The following LCK variants were observed in gnomAD, a reference collection of about 807,000 sequenced individuals.
LCK encodes tyrosine-protein kinase Lck.
A neutral mutation model predicts 64.6 loss-of-function variants in LCK; 14 were observed. The ratio of observed to expected loss-of-function variants is 0.22; its 90% confidence interval spans 0.14 to 0.34. The LOEUF (loss-of-function observed/expected upper bound fraction) is 0.34, where lower values mean the gene tolerates loss of function less well. Ranked by LOEUF, LCK falls within the 10% of genes least tolerant of loss-of-function variation. The pLI, the probability that LCK is intolerant of heterozygous loss-of-function variation, is 1.00. For missense variants in LCK, 434 were observed against 668.1 expected (o/e 0.65, Z 3.86); for synonymous variants, 277 against 263.6 (o/e 1.05, Z -0.49).
At position 32,285,916 on chromosome 1, in the gene LCK, T is replaced by C. The variant is rs1640602908; in HGVS notation, c.*200T>C. ...ACTCTGCACATGTCTTGTACATGTG[T>C]AGCCTGTGCATGTATGTCTTGGACA... On this transcript the variant is annotated 3_prime_UTR_variant, in exon 13 of 13. Coordinates refer to ENST00000336890, the MANE Select transcript of LCK (RefSeq NM_005356.5). 1.6e-6 allele frequency: 1 copy of C among 611,614 alleles called. No individual in the cohort carries two copies. Among genetic ancestry groups the C allele is most frequent in the Non-Finnish European group, 2.9e-6 (1 of 344,886 alleles). The allele number at this position is 611,614 out of a possible 1,614,324, so 37.9% of individuals were successfully genotyped here. A position where few individuals can be genotyped will look rare whatever the true frequency, so the allele number is the denominator to read the frequency against.
Position 32,275,008 on chromosome 1 carries a change from C to T in LCK, c.203C>T (p.Ala68Val), listed in dbSNP as rs1640212745. 1 of 1,614,216 alleles carries T rather than the reference C, an allele frequency of 6.2e-7. No individual in the cohort carries two copies. Among genetic ancestry groups the T allele is most frequent in the Non-Finnish European group, 8.5e-7 (1 of 1,180,048 alleles). Residue 68 changes from alanine to valine, a missense_variant, in exon 4 of 13, where the codon GCT becomes GTT. Physicochemically the swap from Ala to Val is moderately conservative, Grantham distance 64. Coordinates refer to ENST00000336890, the MANE Select transcript of LCK (RefSeq NM_005356.5). This position sits in a 1 kb window ranked among gnomAD's most constrained non-coding sequence, Gnocchi z 6.9. ...ASPLQDNLVI[A>V]LHSYEPSHDG... ...GTCTTTACAGACAACCTGGTTATCG[C>T]TCTGCACAGCTATGAGCCCTCTCAC...
chr1:32,285,809 C>A lies in LCK; in HGVS notation c.*93C>A. On this transcript the variant is annotated 3_prime_UTR_variant, in exon 13 of 13. Transcript: ENST00000336890. ...GTGCCATAGTCACATGGCCTATGCA[C>A]ATATGGACTCTGCACATGAATCCCA... 7.6e-7 allele frequency: 1 copy of A among 1,308,430 alleles called. No individual in the cohort carries two copies. The highest frequency in any genetic ancestry group is 1.1e-6 in the Non-Finnish European group (1 of 937,118). 81.1% of individuals were successfully genotyped at this position (1,308,430 alleles called of 1,614,324 possible). A position where few individuals can be genotyped will look rare whatever the true frequency, so the allele number is the denominator to read the frequency against.
intron 1 of LCK, among the ~76,000 whole-genome samples, chr1:32,260,979 C>T (rs1212074612): frequency 1.3e-5 from 2 of 152,114 alleles, no homozygotes; most frequent in Non-Finnish European, 2.9e-5. Context: ...GAAGCTGGCA[C>T]ACATTTTGGA....
chr1:32,259,631 A>T (rs1447913355), intron 1 of LCK, among the ~76,000 whole-genome samples: 1 of 147,302 alleles, frequency 6.8e-6, no homozygotes, highest in African/African-American at 2.5e-5. Flanking sequence ...AAAAATAAAA[A>T]TAATAATAAT....
At chr1:32,279,366 A>G (rs906010806) in intron 9 of LCK, among the ~76,000 whole-genome samples, 10 of 152,080 alleles carry the variant, frequency 6.6e-5, no homozygotes, top group African/African-American at 2.4e-4. Context: ...AGAGTGGGGG[A>G]AAGAGAAGAA....
intron 1 of LCK, among the ~76,000 whole-genome samples, chr1:32,262,372 G>C (rs571624133): frequency 6.8e-6 from 1 of 147,962 alleles, no homozygotes; most frequent in Admixed American, 6.7e-5. Flanking sequence ...GTGGTGGTGC[G>C]TGCCTATAAT....
intron 12 of LCK, 31 bp downstream of exon 12, chr1:32,280,241 G>C: frequency 6.2e-7 from 1 of 1,612,670 alleles, no homozygotes; most frequent in Non-Finnish European, 8.5e-7. Context: ...CTGAAAGGGT[G>C]ATGGGAAGGG....
At chr1:32,278,357 T>C (rs949680579) in intron 9 of LCK, among the ~76,000 whole-genome samples, 2 of 152,126 alleles carry the variant, frequency 1.3e-5, no homozygotes, top group African/African-American at 4.8e-5. Flanking sequence ...TATCTTTTTT[T>C]TTTTTGAGTC....
rs1640245888 is a variant in LCK at position 32,275,763 on chromosome 1, G to A, written c.481+91G>A. Reference sequence around the variant, plus strand: ...GGTGAGCCCGAGGTGGAGACACGGGGTGAGTCGGAGGGGGACGCGGGATGA... The same window carrying A: ...GGTGAGCCCGAGGTGGAGACACGGGATGAGTCGGAGGGGGACGCGGGATGA... On this transcript the variant is annotated intron_variant, in intron 6 of 12. Coordinates refer to ENST00000336890, the MANE Select transcript of LCK (RefSeq NM_005356.5). This position sits in a 1 kb window ranked among gnomAD's most constrained non-coding sequence, Gnocchi z 6.9. The A allele has an allele frequency of 7.1e-7, 1 of 1,403,380 alleles. No homozygotes were observed. The highest frequency in any genetic ancestry group is 1.4e-5 in the African/African-American group (1 of 70,398). 86.9% of individuals were successfully genotyped at this position (1,403,380 alleles called of 1,614,324 possible).
In LCK at chr1:32,281,276, A is replaced by G. The variant is rs369782817; in HGVS notation, c.1327+1066A>G. ...AAGAGAGACTCCATCTCTACAAAAA[A>G]AAAAAAACAAACAAACAAAAAAAAC... On this transcript the variant is annotated intron_variant, in intron 12 of 12. Transcript: ENST00000336890. Among the ~76,000 whole-genome samples, 13 of 151,266 alleles carry G rather than the reference A, an allele frequency of 8.6e-5. No individual in the cohort carries two copies. In the South Asian group the frequency reaches 2.5e-3, roughly 29 times the overall value.
In LCK at chr1:32,279,672, G is replaced by A. The variant is rs1640389804; in HGVS notation, c.966G>A (p.Gly322=). The change falls in exon 10 of 13, where the codon GGG becomes GGA. Residue 322 remains glycine (G), a splice_region_variant and synonymous_variant. Transcript: ENST00000336890. ...AGCAACTCTTGCTTCTGCCCACAGG[G>A]AGTCTAGTGGATTTTCTCAAGACCC... ...IYIITEYMEN[G]SLVDFLKTPS... 1.9e-6 allele frequency: 3 copies of A among 1,613,960 alleles called. No homozygotes were observed. The highest frequency in any genetic ancestry group is 2.5e-6 in the Non-Finnish European group (3 of 1,179,884).
In LCK at chr1:32,275,378, C is replaced by T. The variant is rs1328480693; in HGVS notation, c.336C>T (p.Pro112=). ...CCACGGGCCAGGAAGGCTTCATCCC[C>T]TTCAATTTTGTGGCCAAAGCGAACA... ...SLTTGQEGFI[P]FNFVAKANSL... Residue 112 remains proline (P), a synonymous_variant, in exon 5 of 13, where the codon CCC becomes CCT. Transcript: ENST00000336890. The surrounding 1 kb of genome is among the most constrained non-coding windows in gnomAD (Gnocchi z 6.9). The T allele has an allele frequency of 1.2e-6, 2 of 1,614,148 alleles. No homozygotes were observed. Among genetic ancestry groups the T allele is most frequent in the Non-Finnish European group, 1.7e-6 (2 of 1,180,026 alleles).
intron 1 of LCK, among the ~76,000 whole-genome samples, chr1:32,259,632 T>A (rs59032326): frequency 0.12 from 18,139 of 148,094 alleles, 1,878 homozygotes; most frequent in African/African-American, 0.26. Context: ...AAAATAAAAA[T>A]AATAATAATA....
intron 1 of LCK, among the ~76,000 whole-genome samples, chr1:32,256,791 TAC>T (rs1639643186): frequency 6.6e-6 from 1 of 152,194 alleles, no homozygotes; most frequent in South Asian, 2.1e-4. Flanking sequence ...ATATGACCTG[TAC>T]ACCACTCAGG....
chr1:32,279,965 T>C lies in LCK; in HGVS notation c.1166T>C (p.Ile389Thr). ...GCAGACTTTGGCCTAGCACGCCTCATTGAGGACAACGAGTACACAGCCAGG... is the reference window on the plus strand; with the variant it reads ...GCAGACTTTGGCCTAGCACGCCTCACTGAGGACAACGAGTACACAGCCAGG... ...KIADFGLARLIEDNEYTAREG... is the reference protein window; with the variant it reads ...KIADFGLARLTEDNEYTAREG... The change falls in exon 11 of 13, where the codon ATT becomes ACT. Residue 389 changes from isoleucine to threonine, a missense_variant. Physicochemically the swap from Ile to Thr is moderately conservative, Grantham distance 89. Transcript: ENST00000336890. 1 of 1,614,160 alleles carries C rather than the reference T, an allele frequency of 6.2e-7. No individual in the cohort carries two copies. The highest frequency in any genetic ancestry group is 8.5e-7 in the Non-Finnish European group (1 of 1,180,040).
At chr1:32,272,568 G>A (rs1218322469) in intron 1 of LCK, among the ~76,000 whole-genome samples, 1 of 64,858 alleles carries the variant, frequency 1.5e-5, no homozygotes, top group African/African-American at 6.2e-5. Flanking sequence ...GGGAGACCCT[G>A]TCTCAAGAGA....
intron 1 of LCK, among the ~76,000 whole-genome samples, chr1:32,262,856 T>C (rs1569916160): frequency 9.3e-6 from 1 of 107,158 alleles, no homozygotes; most frequent in Non-Finnish European, 1.9e-5. Flanking sequence ...AAGAAAGAAG[T>C]GGAGGAAGGG....
chr1:32,272,595 G>GAGAGAGAGAGAGAA (rs1640109401), intron 1 of LCK, among the ~76,000 whole-genome samples: 1 of 149,448 alleles, frequency 6.7e-6, no homozygotes, highest in Non-Finnish European at 1.5e-5. Flanking sequence ...GAAAGAGAGA[G>GAGAGAGAGAGAGAA]AGAGAGAGAA....
chr1:32,259,289 T>TAAAAAAAAAA (rs10656936), intron 1 of LCK, among the ~76,000 whole-genome samples: 14 of 124,010 alleles, frequency 1.1e-4, no homozygotes, highest in African/African-American at 1.6e-4. Context: ...GCTTCTCAGG[T>TAAAAAAAAAA]AAAAAAAAAA....
Sources: gnomAD v4.1 joint callset for allele counts (sites outside exome capture counted in the v4.1 genomes callset) on GRCh38, gnomAD v4.1.1 for gene constraint, Gnocchi (gnomAD v3.1) non-coding constraint, MANE v1.5 for transcripts, NCBI Gene and HGNC (gene_info 2026-07-23, HGNC 2026-07-21) for gene names.